Variants in POLR1A observed in about 807,000 individuals in gnomAD.
POLR1A encodes the protein DNA-directed RNA polymerase I subunit RPA1.
In POLR1A, 84 loss-of-function variants were observed where a neutral mutation model predicts 205.3. The ratio of observed to expected loss-of-function variants is 0.41; its 90% CI spans 0.34 to 0.49. The LOEUF (loss-of-function observed/expected upper bound fraction) is 0.49. Ranked by LOEUF, POLR1A falls within the 20% of genes least tolerant of loss-of-function variation. POLR1A has a pLI of 0.22. For missense variants in POLR1A, 1,645 were observed against 2,204.5 expected, an observed-to-expected ratio of 0.75 and a Z score of 5.08; for synonymous variants, 799 against 863.7, an observed-to-expected ratio of 0.93 and a Z score of 1.31.
rs1690215109 is a variant in POLR1A, at chr2:86,024,247, A to G, written c.*3176T>C. ...ACCTTGAGGACATTATGCTAAGTGAAATAAGCCGGTCACAAAAAGACATGC... is the reference window on the plus strand; with the variant it reads ...ACCTTGAGGACATTATGCTAAGTGAGATAAGCCGGTCACAAAAAGACATGC... On this transcript the variant is annotated 3_prime_UTR_variant, in exon 34 of 34. Coordinates refer to ENST00000263857, the MANE Select transcript of POLR1A (RefSeq NM_015425.6). The G allele has an allele frequency of 9.5e-6, 2 of 211,040 alleles. No homozygotes were observed. Among genetic ancestry groups the G allele is most frequent in the East Asian group, 1.4e-4 (1 of 7,094 alleles). 13.1% of individuals were successfully genotyped at this position (211,040 alleles called of 1,614,324 possible).
intron 1 of POLR1A, among the ~76,000 whole-genome samples, chr2:86,105,125 G>A (rs1263650592): frequency 6.6e-6 from 1 of 152,170 alleles, no homozygotes; most frequent in Non-Finnish European, 1.5e-5. Flanking sequence ...GGAGGTAGAA[G>A]TATTTGTCAT....
chr2:86,072,138 G>C (rs755853611), intron 12 of POLR1A, among the ~76,000 whole-genome samples: 3 of 152,234 alleles, frequency 2.0e-5, no homozygotes, highest in Non-Finnish European at 2.9e-5. Flanking sequence ...GCTCAGAGAA[G>C]CAGGGAGCAA....
At chr2:86,061,205 G>A (rs1213120697) in intron 14 of POLR1A, among the ~76,000 whole-genome samples, 1 of 152,210 alleles carries the variant, frequency 6.6e-6, no homozygotes, top group South Asian at 2.1e-4. Context: ...CCAGCACTTT[G>A]GGAGGCTGAG....
intron 33 of POLR1A, 61 bp downstream of exon 33, chr2:86,027,824 G>A: frequency 6.4e-7 from 1 of 1,560,416 alleles, no homozygotes; most frequent in Non-Finnish European, 8.8e-7. Context: ...GCCCATGGGT[G>A]AGCCCGTGTG....
At chr2:86,058,974 T>A (rs942716838) in intron 14 of POLR1A, among the ~76,000 whole-genome samples, 13 of 151,582 alleles carry the variant, frequency 8.6e-5, no homozygotes, top group African/African-American at 4.8e-5. Flanking sequence ...ATAATAATAA[T>A]AAAAGATAAG....
At chr2:86,029,695 A>C (rs1026086750) in intron 31 of POLR1A, among the ~76,000 whole-genome samples, 4 of 148,084 alleles carry the variant, frequency 2.7e-5, no homozygotes, top group Non-Finnish European at 5.9e-5. Flanking sequence ...CTCCTGGGTT[A>C]TCGCCATTCT....
chr2:86,074,792 C>T (rs1673248905), intron 12 of POLR1A, among the ~76,000 whole-genome samples: 1 of 152,162 alleles, frequency 6.6e-6, no homozygotes, highest in Admixed American at 6.5e-5. Flanking sequence ...TCACAAGCTC[C>T]AGGGCTGCTG....
At chr2:86,062,466 T>C (rs1673013682) in intron 14 of POLR1A, among the ~76,000 whole-genome samples, 1 of 151,580 alleles carries the variant, frequency 6.6e-6, no homozygotes, top group South Asian at 2.1e-4. Context: ...AAATAACTCA[T>C]GGATTGAAAA....
At chr2:86,059,673 T>C (rs1215682811) in intron 14 of POLR1A, among the ~76,000 whole-genome samples, 2 of 152,276 alleles carry the variant, frequency 1.3e-5, no homozygotes, top group African/African-American at 4.8e-5. Flanking sequence ...TCAAGTGATT[T>C]TCGTGCCTCA....
intron 29 of POLR1A, 59 bp from the exon 30 acceptor site, chr2:86,031,694 T>C: frequency 6.4e-7 from 1 of 1,560,202 alleles, no homozygotes; most frequent in Non-Finnish European, 8.7e-7. Context: ...ACCTGGACTC[T>C]GCCTGTGGAA....
At chr2:86,041,190 T>TGTGTGTGCGCGCGCGCACGCGCGC (rs1212728761) in intron 24 of POLR1A, among the ~76,000 whole-genome samples, 1 of 41,926 alleles carries the variant, frequency 2.4e-5, no homozygotes, top group African/African-American at 7.0e-5. Flanking sequence ...TGTGTGTGTG[T>TGTGTGTGCGCGCGCGCACGCGCGC]GCGCGCTGAG....
chr2:86,065,022 G>A (rs1021449661), intron 14 of POLR1A, among the ~76,000 whole-genome samples: 4 of 151,946 alleles, frequency 2.6e-5, no homozygotes, highest in Non-Finnish European at 5.9e-5. Flanking sequence ...TGATCTGCCC[G>A]CCTCAGTCTC....
chr2:86,081,355 C>T (rs1226007029), intron 8 of POLR1A, among the ~76,000 whole-genome samples: 1 of 152,024 alleles, frequency 6.6e-6, no homozygotes, highest in Admixed American at 6.6e-5. Context: ...AAGGTCATGC[C>T]ACTGCACTCC....
At chr2:86,078,988 C>T (rs4832239) in intron 9 of POLR1A, among the ~76,000 whole-genome samples, 132,378 of 152,216 alleles carry the variant, frequency 0.87, 58,044 homozygotes, top group East Asian at 0.98. Flanking sequence ...TGTCTGGCCA[C>T]CTACTGGCCC....
intron 22 of POLR1A, among the ~76,000 whole-genome samples, chr2:86,043,415 G>A (rs895739129): frequency 6.6e-6 from 1 of 152,232 alleles, no homozygotes; most frequent in East Asian, 1.9e-4. Flanking sequence ...CAATGGTCTT[G>A]GGAGCAGAGG....
At chr2:86,043,620 T>A (rs1279735944) in intron 22 of POLR1A, among the ~76,000 whole-genome samples, 1 of 151,988 alleles carries the variant, frequency 6.6e-6, no homozygotes, top group Admixed American at 6.5e-5. Flanking sequence ...TCGGTTTCAG[T>A]TTCCCTATCT....
intron 33 of POLR1A, 65 bp from the exon 34 acceptor site, chr2:86,027,588 T>G: frequency 7.2e-7 from 1 of 1,383,906 alleles, no homozygotes; most frequent in Non-Finnish European, 1.0e-6. Context: ...CATGAGGTGA[T>G]TATGGGGCTG....
At chr2:86,056,648 T>A (rs1358840588) in intron 14 of POLR1A, among the ~76,000 whole-genome samples, 3 of 152,170 alleles carry the variant, frequency 2.0e-5, no homozygotes, top group African/African-American at 7.2e-5. Flanking sequence ...CTGGCTCTCC[T>A]GTTAGGGGCT....
chr2:86,065,701 A>G, intron 13 of POLR1A: 1 of 473,022 alleles, frequency 2.1e-6, no homozygotes, highest in Non-Finnish European at 3.7e-6. Context: ...CTATATCAAG[A>G]CTGCTTCAAA....
Sources: allele counts gnomAD v4.1 joint callset (sites outside exome capture counted in the v4.1 genomes callset), GRCh38; gene constraint gnomAD v4.1.1; transcripts MANE v1.5; gene names NCBI Gene and HGNC (gene_info 2026-07-23, HGNC 2026-07-21).